TNFAIP8L3: variants seen among roughly 807,000 people sequenced by gnomAD.
TNFAIP8L3 encodes the protein TNF alpha induced protein 8 like 3.
TNFAIP8L3 carries 7 observed loss-of-function variants against 11.8 expected under a neutral mutation model. The observed-to-expected ratio is 0.59, with a 90% CI of 0.34 to 1.11. The LOEUF is 1.11. TNFAIP8L3 is among the 50% of genes most tolerant of loss of function. The pLI, the probability that TNFAIP8L3 is intolerant of heterozygous loss-of-function variation, is 0.03. For missense variants in TNFAIP8L3, 219 were observed against 258.6 expected (o/e 0.85, Z 1.05); for synonymous variants, 98 against 103.8 (o/e 0.94, Z 0.34).
chr15:51,069,734 A>G (rs1046851268), intron 1 of TNFAIP8L3: 1 of 152,228 alleles, frequency 6.6e-6, no homozygotes, highest in Admixed American at 6.5e-5. Context: ...TGTGAGTTCC[A>G]TTTTATAGAT....
In TNFAIP8L3 at chr15:51,057,269, G is replaced by A. The variant is rs1028172152; in HGVS notation, c.*612C>T. On this transcript the variant is annotated 3_prime_UTR_variant, in exon 2 of 2. Transcript: ENST00000637513. ...TGCAGCTATACTTTTTCACACCTTT[G>A]GATTTCACTTTGTCTGAAGCAGTGC... The A allele has an allele frequency of 1.3e-5, 2 of 152,136 alleles. No homozygotes were observed. The highest frequency in any genetic ancestry group is 4.8e-5 in the African/African-American group (2 of 41,396). 9.4% of individuals were successfully genotyped at this position (152,136 alleles called of 1,614,324 possible).
Position 51,058,097 on chromosome 15 carries a change from C to T in TNFAIP8L3, c.399G>A (p.Val133=), listed in dbSNP as rs1274205485. 1 of 1,614,060 alleles carries T rather than the reference C, an allele frequency of 6.2e-7. No homozygotes were observed. The highest frequency in any genetic ancestry group is 8.5e-7 in the Non-Finnish European group (1 of 1,179,940). The change falls in exon 2 of 2, where the codon GTG becomes GTA. Residue 133 remains valine (V), a synonymous_variant. Coordinates refer to ENST00000637513, the MANE Select transcript of TNFAIP8L3 (RefSeq NM_001311175.2). ...TGCACTCATGCAGGAGATTGGAGAG[C>T]ACGTTCCTATCGAAGGTGTATTCCA... ...YEVEYTFDRN[V]LSNLLHECKD...
At chr15:51,078,374 C>T (rs2065369608) in intron 1 of TNFAIP8L3, among the ~76,000 whole-genome samples, 1 of 152,062 alleles carries the variant, frequency 6.6e-6, no homozygotes. Flanking sequence ...CTGAGGGCAC[C>T]CCGATACACA....
At chr15:51,094,971 C>T (rs976103444), upstream of TNFAIP8L3, among the ~76,000 whole-genome samples, 2 of 152,006 alleles carry the variant, frequency 1.3e-5, no homozygotes, top group Admixed American at 6.5e-5. This position sits in a 1 kb window ranked among gnomAD's most constrained non-coding sequence, Gnocchi z 4.4. Context: ...CTACCCGCGC[C>T]CTGCGTCGGA....
intron 1 of TNFAIP8L3, among the ~76,000 whole-genome samples, chr15:51,083,314 G>C (rs1368721125): frequency 6.6e-6 from 1 of 152,166 alleles, no homozygotes; most frequent in African/African-American, 2.4e-5. Flanking sequence ...GACGGTGGTG[G>C]TGGCAGACCA....
chr15:51,082,852 C>T (rs72727115), intron 1 of TNFAIP8L3, among the ~76,000 whole-genome samples: 31,036 of 152,122 alleles, frequency 0.2, 3,641 homozygotes, highest in East Asian at 0.44. Flanking sequence ...TTTTTAGCTC[C>T]ATTGTAAGCC....
intron 1 of TNFAIP8L3, 129 bp from the exon 2 acceptor site, chr15:51,058,572 C>T (rs2065222080): frequency 2.4e-6 from 2 of 848,208 alleles, no homozygotes; most frequent in South Asian, 4.1e-5. Context: ...TATTCCCTCG[C>T]TCCCTAACTA....
upstream of TNFAIP8L3, among the ~76,000 whole-genome samples, chr15:51,095,829 G>C (rs375264609): frequency 3.3e-5 from 5 of 152,108 alleles, no homozygotes; most frequent in East Asian, 5.8e-4. Context: ...TTCTCTGCTT[G>C]TAAAGTCTGC....
intron 1 of TNFAIP8L3, among the ~76,000 whole-genome samples, chr15:51,070,202 T>TG (rs919615811): frequency 2.0e-5 from 3 of 152,236 alleles, no homozygotes; most frequent in Non-Finnish European, 4.4e-5. Flanking sequence ...GTGAAGCCAC[T>TG]GGGGGGTGAA....
At position 51,094,751 on chromosome 15, in the gene TNFAIP8L3, G is replaced by T; in HGVS notation, c.-156C>A. The stretch of plus-strand genomic sequence containing the variant: ...TGCGCGGCGGCAGCGGCCAGGGGGC[G>T]GCTCCGCAGAGGCGAGCGCCGCCGC... On this transcript the variant is annotated 5_prime_UTR_variant, in exon 1 of 2. Transcript: ENST00000637513. This position sits in a 1 kb window ranked among gnomAD's most constrained non-coding sequence, Gnocchi z 4.4. 10 of 951,936 alleles carry T rather than the reference G, an allele frequency of 1.1e-5. No individual in the cohort carries two copies. Among genetic ancestry groups the T allele is most frequent in the Non-Finnish European group, 1.1e-5 (9 of 814,816 alleles). 59.0% of individuals were successfully genotyped at this position (951,936 alleles called of 1,614,324 possible).
intron 1 of TNFAIP8L3, among the ~76,000 whole-genome samples, chr15:51,093,137 G>A (rs7177664): frequency 0.27 from 40,758 of 152,186 alleles, 5,665 homozygotes; most frequent in East Asian, 0.46. Flanking sequence ...AAACATACAG[G>A]CATGCAAAGG....
At chr15:51,104,360 C>T (rs1298559480) in intron 1 of TNFAIP8L3, among the ~76,000 whole-genome samples, 1 of 152,154 alleles carries the variant, frequency 6.6e-6, no homozygotes, top group South Asian at 2.1e-4. Context: ...GCTTTCTCAG[C>T]CATCCTAAAG....
At chr15:51,104,498 G>A (rs183297733) in intron 1 of TNFAIP8L3, among the ~76,000 whole-genome samples, 170 of 152,266 alleles carry the variant, frequency 1.1e-3, no homozygotes, top group Non-Finnish European at 1.8e-3. Flanking sequence ...CTGCATCTGC[G>A]CCATGTCAGT....
upstream of TNFAIP8L3, among the ~76,000 whole-genome samples, chr15:51,098,314 C>T (rs2065527786): frequency 6.6e-6 from 1 of 152,194 alleles, no homozygotes; most frequent in Non-Finnish European, 1.5e-5. Context: ...AGGACTGCTG[C>T]TCTGCTTTGA....
chr15:51,064,126 C>T (rs1448788644), intron 1 of TNFAIP8L3, among the ~76,000 whole-genome samples: 3 of 152,126 alleles, frequency 2.0e-5, no homozygotes, highest in Non-Finnish European at 4.4e-5. Context: ...ACCAAAATTA[C>T]CAGGAAGGCT....
intron 1 of TNFAIP8L3, among the ~76,000 whole-genome samples, chr15:51,059,093 T>A (rs1041306691): frequency 6.6e-6 from 1 of 152,208 alleles, no homozygotes; most frequent in Non-Finnish European, 1.5e-5. Context: ...TGGGAGAAAG[T>A]CAAGAGAAAT....
chr15:51,102,548 C>T (rs1229576339), intron 1 of TNFAIP8L3, among the ~76,000 whole-genome samples: 1 of 152,014 alleles, frequency 6.6e-6, no homozygotes, highest in Non-Finnish European at 1.5e-5. Context: ...GATTTCATAA[C>T]ATCTACACCC....
intron 1 of TNFAIP8L3, among the ~76,000 whole-genome samples, chr15:51,100,292 C>A (rs951445152): frequency 6.6e-6 from 1 of 152,092 alleles, no homozygotes; most frequent in Non-Finnish European, 1.5e-5. Flanking sequence ...ACAATCCTAC[C>A]CAGTGAGCTT....
At chr15:51,072,556 T>C (rs1221565083) in intron 1 of TNFAIP8L3, among the ~76,000 whole-genome samples, 2 of 152,250 alleles carry the variant, frequency 1.3e-5, no homozygotes, top group Non-Finnish European at 2.9e-5. Flanking sequence ...GATAACCATA[T>C]ATTTTCCAGA....
Sources: allele counts gnomAD v4.1 joint callset (sites outside exome capture counted in the v4.1 genomes callset), GRCh38; gene constraint gnomAD v4.1.1; non-coding constraint Gnocchi (gnomAD v3.1); transcripts MANE v1.5; gene names NCBI Gene and HGNC (gene_info 2026-07-23, HGNC 2026-07-21).